The following TSHZ2 variants were observed in gnomAD, a reference collection of about 807,000 sequenced individuals.
TSHZ2 encodes the protein teashirt zinc finger homeobox 2.
In TSHZ2, 21 loss-of-function variants were observed where a neutral mutation model predicts 74.4. That is an observed-to-expected ratio of 0.28 (90% confidence interval 0.20 to 0.41). The LOEUF is 0.41. Among genes scored for constraint, TSHZ2 ranks in the 10% least tolerant of loss-of-function variants. TSHZ2 has a pLI of 1.00. For synonymous variants in TSHZ2, 540 were observed against 515.3 expected, an observed-to-expected ratio of 1.05 and a Z score of -0.65; for missense variants, 1,244 against 1,293.5, an observed-to-expected ratio of 0.96 and a Z score of 0.59.
chr20:53,310,105 T>C (rs945341699), intron 2 of TSHZ2, among the ~76,000 whole-genome samples: 1 of 152,168 alleles, frequency 6.6e-6, no homozygotes, highest in African/African-American at 2.4e-5. Context: ...TGCTTTGAAA[T>C]AAAAGCAAGA....
chr20:53,200,215 G>A (rs1019141091), intron 1 of TSHZ2, among the ~76,000 whole-genome samples: 1 of 152,136 alleles, frequency 6.6e-6, no homozygotes, highest in Non-Finnish European at 1.5e-5. Flanking sequence ...CAGTCTCCTT[G>A]GGAACTTGCC....
At chr20:53,292,920 C>T (rs895332783) in intron 2 of TSHZ2, among the ~76,000 whole-genome samples, 3 of 152,188 alleles carry the variant, frequency 2.0e-5, no homozygotes, top group African/African-American at 7.2e-5. Flanking sequence ...GCATCTAACA[C>T]TACATGCTTC....
chr20:53,198,434 A>C (rs6013646), intron 1 of TSHZ2: 1 of 152,032 alleles, frequency 6.6e-6, no homozygotes, highest in Admixed American at 6.5e-5. Context: ...TAGGTATAAG[A>C]CTTAATCCCA....
chr20:53,382,752 G>A (rs1011474787), intron 2 of TSHZ2, among the ~76,000 whole-genome samples: 1 of 152,196 alleles, frequency 6.6e-6, no homozygotes, highest in Non-Finnish European at 1.5e-5. Flanking sequence ...AGTAACTGCT[G>A]CACATGTGAC....
chr20:53,303,397 T>A (rs1466600176), intron 2 of TSHZ2, among the ~76,000 whole-genome samples: 1 of 152,254 alleles, frequency 6.6e-6, no homozygotes, highest in Non-Finnish European at 1.5e-5. Flanking sequence ...CATTTAAATT[T>A]AGACACATTG....
chr20:53,242,388 C>T (rs1399413717), intron 1 of TSHZ2, among the ~76,000 whole-genome samples: 1 of 152,056 alleles, frequency 6.6e-6, no homozygotes, highest in Non-Finnish European at 1.5e-5. Flanking sequence ...CTAGAAGAAA[C>T]CAGCTGCCAA....
chr20:53,412,018 C>A (rs6022449), intron 2 of TSHZ2, among the ~76,000 whole-genome samples: 45,181 of 152,064 alleles, frequency 0.3, 11,821 homozygotes, highest in African/African-American at 0.69. Flanking sequence ...TTCTTTCTTT[C>A]TTTCAATTCT....
intron 1 of TSHZ2, among the ~76,000 whole-genome samples, chr20:53,225,450 G>A (rs188454524): frequency 7.2e-5 from 11 of 152,322 alleles, no homozygotes; most frequent in African/African-American, 2.4e-4. Flanking sequence ...GGATTCTGAC[G>A]AAGGTTAACG....
chr20:53,020,236 C>G (rs559852595), intron 1 of TSHZ2, among the ~76,000 whole-genome samples: 1 of 152,192 alleles, frequency 6.6e-6, no homozygotes, highest in Non-Finnish European at 1.5e-5. Context: ...CACTTCGTCA[C>G]CATCGGTCCT....
At chr20:53,131,819 ACCC>A (rs34289663) in intron 1 of TSHZ2, among the ~76,000 whole-genome samples, 4,646 of 95,024 alleles carry the variant, frequency 0.049, 274 homozygotes, top group East Asian at 0.25. Context: ...TTGAATGACA[ACCC>A]CCCCCCCCCC....
At chr20:53,200,377 G>A (rs931380841) in intron 1 of TSHZ2, among the ~76,000 whole-genome samples, 1 of 152,210 alleles carries the variant, frequency 6.6e-6, no homozygotes, top group African/African-American at 2.4e-5. Flanking sequence ...ATGCCAGTAA[G>A]GCTGAGCACA....
At chr20:53,348,858 C>T (rs1325312957) in intron 2 of TSHZ2, among the ~76,000 whole-genome samples, 1 of 152,210 alleles carries the variant, frequency 6.6e-6, no homozygotes, top group Admixed American at 6.5e-5. Context: ...AAAGTAGTTG[C>T]CCTGACTGCA....
In TSHZ2 at chr20:53,170,977, T is replaced by G. The variant is rs139228047; in HGVS notation, c.41-82522T>G. Among the ~76,000 whole-genome samples, 421 of 151,314 alleles carry G rather than the reference T, an allele frequency of 2.8e-3. 4 individuals are homozygous for G. Among genetic ancestry groups the G allele is most frequent in the Non-Finnish European group, 5.1e-3 (348 of 67,668 alleles). On this transcript the variant is annotated intron_variant, in intron 1 of 2. Transcript: ENST00000371497. ...ATTAAAAAAAAAAAACACAAAAAGATATAGTTTCAAAATTACATGTCCTTA... is the reference window on the plus strand; with the variant it reads ...ATTAAAAAAAAAAAACACAAAAAGAGATAGTTTCAAAATTACATGTCCTTA...
intron 1 of TSHZ2, among the ~76,000 whole-genome samples, chr20:53,241,133 T>A (rs531142700): frequency 7.2e-4 from 110 of 152,318 alleles, no homozygotes; most frequent in African/African-American, 2.6e-3. Flanking sequence ...CTTGGAAATA[T>A]CATTCTTAAA....
At chr20:53,122,702 G>A (rs1012533723) in intron 1 of TSHZ2, among the ~76,000 whole-genome samples, 11 of 152,148 alleles carry the variant, frequency 7.2e-5, no homozygotes, top group Middle Eastern at 3.4e-3. Flanking sequence ...GATATTTTTC[G>A]GCAAGGCTGC....
chr20:53,050,726 A>G (rs1179262583), intron 1 of TSHZ2, among the ~76,000 whole-genome samples: 1 of 152,186 alleles, frequency 6.6e-6, no homozygotes, highest in African/African-American at 2.4e-5. Flanking sequence ...AAGTGTTAAG[A>G]TCAAAGGATC....
chr20:53,015,870 G>A (rs1983021673), intron 1 of TSHZ2, among the ~76,000 whole-genome samples: 1 of 152,144 alleles, frequency 6.6e-6, no homozygotes, highest in Non-Finnish European at 1.5e-5. Flanking sequence ...CTTGCCCAGT[G>A]TTCAGGGGGC....
intron 1 of TSHZ2, among the ~76,000 whole-genome samples, chr20:53,159,766 TATTC>T (rs933376647): frequency 6.6e-6 from 1 of 152,234 alleles, no homozygotes; most frequent in Non-Finnish European, 1.5e-5. Flanking sequence ...ACAGTAAATT[TATTC>T]ATTCATTTTT....
At chr20:53,143,917 C>G (rs1294151548) in intron 1 of TSHZ2, among the ~76,000 whole-genome samples, 1 of 151,966 alleles carries the variant, frequency 6.6e-6, no homozygotes, top group Non-Finnish European at 1.5e-5. Flanking sequence ...TCCCTGAAAA[C>G]TCAGGGATTG....
Sources: gnomAD v4.1 joint callset for allele counts (sites outside exome capture counted in the v4.1 genomes callset) on GRCh38, gnomAD v4.1.1 for gene constraint, MANE v1.5 for transcripts, NCBI Gene and HGNC (gene_info 2026-07-23, HGNC 2026-07-21) for gene names.